The following NAALADL2 variants were observed in gnomAD, a reference collection of about 807,000 sequenced individuals.
The protein encoded by NAALADL2 is inactive N-acetylated-alpha-linked acidic dipeptidase-like protein 2.
Under a neutral mutation model 87.2 loss-of-function variants are expected in NAALADL2, and 76 were observed. The ratio of observed to expected loss-of-function variants is 0.87; its 90% CI spans 0.72 to 1.05. The LOEUF (loss-of-function observed/expected upper bound fraction) is 1.05, where lower values mean the gene tolerates loss of function less well. Among genes scored for constraint, NAALADL2 ranks in the 50% least tolerant of loss-of-function variants. The pLI, the probability that NAALADL2 is intolerant of heterozygous loss-of-function variation, is 0.00. For missense variants in NAALADL2, 1,089 were observed against 945.8 expected (o/e 1.15, Z -1.99); for synonymous variants, 354 against 331.0 (o/e 1.07, Z -0.75).
chr3:175,047,654 T>G (rs542308144), intron 1 of NAALADL2, among the ~76,000 whole-genome samples: 1 of 152,282 alleles, frequency 6.6e-6, no homozygotes, highest in Non-Finnish European at 1.5e-5. Context: ...CTCAGACGGT[T>G]TTAGATGAAA....
At chr3:175,469,378 T>C (rs1252805084) in intron 8 of NAALADL2, among the ~76,000 whole-genome samples, 2 of 152,048 alleles carry the variant, frequency 1.3e-5, no homozygotes, top group Non-Finnish European at 2.9e-5. Flanking sequence ...ATGCTCTAAA[T>C]ATATTCCCCT....
rs1736538837 is a variant in NAALADL2, at chr3:174,929,364, T to A, written c.43+69914T>A. 3.3e-5 allele frequency among the ~76,000 whole-genome samples: 5 copies of A among 152,308 alleles called. 1 individual carries two copies. In the South Asian group the frequency reaches 1.0e-3, roughly 32 times the overall value. ...CTGTATCTGAGGAAATAATGATGAATGACACAGCCAGTAAAAGTGCTCTGA... is the reference window on the plus strand; with the variant it reads ...CTGTATCTGAGGAAATAATGATGAAAGACACAGCCAGTAAAAGTGCTCTGA... On this transcript the variant is annotated intron_variant, in intron 1 of 13. Coordinates refer to ENST00000454872, the MANE Select transcript of NAALADL2 (RefSeq NM_207015.3).
chr3:174,819,685 C>G (rs763191852), intron 3 of NAALADL2, among the ~76,000 whole-genome samples: 17 of 152,056 alleles, frequency 1.1e-4, no homozygotes, highest in Non-Finnish European at 2.4e-4. Flanking sequence ...CCAGAAAACT[C>G]TTTCCTATAA....
rs768453424 is a variant in NAALADL2 at position 175,210,602 on chromosome 3, G to A, written c.546-23329G>A. On this transcript the variant is annotated intron_variant, in intron 2 of 13. Coordinates refer to ENST00000454872, the MANE Select transcript of NAALADL2 (RefSeq NM_207015.3). Reference sequence around the variant, plus strand: ...AATGTGGAATATGGCAAAGGGTGATGTGGTAGGCAGGAGGAAGGTAAAGCA... The same window carrying A: ...AATGTGGAATATGGCAAAGGGTGATATGGTAGGCAGGAGGAAGGTAAAGCA... Among the ~76,000 whole-genome samples, 120 of 151,572 alleles carry A rather than the reference G, an allele frequency of 7.9e-4. 2 individuals carry two copies. The highest frequency in any genetic ancestry group is 2.8e-4 in the Non-Finnish European group (19 of 67,684).
chr3:175,616,389 T>G (rs559796251), intron 10 of NAALADL2, among the ~76,000 whole-genome samples: 1 of 151,756 alleles, frequency 6.6e-6, no homozygotes, highest in East Asian at 1.9e-4. Context: ...GTTTAAAAAA[T>G]CTACATATAT....
At chr3:174,610,778 C>T (rs984502461) in intron 2 of NAALADL2, among the ~76,000 whole-genome samples, 10 of 152,106 alleles carry the variant, frequency 6.6e-5, no homozygotes, top group African/African-American at 2.4e-4. Flanking sequence ...GGATGTAGAA[C>T]TAGAAATACC....
intron 1 of NAALADL2, among the ~76,000 whole-genome samples, chr3:174,543,245 G>T (rs1000905825): frequency 6.6e-5 from 10 of 152,152 alleles, no homozygotes; most frequent in African/African-American, 2.4e-4. Context: ...CTTGAGCTGG[G>T]ATTAGAGGCA....
intron 3 of NAALADL2, among the ~76,000 whole-genome samples, chr3:175,250,253 CTGTGTGTGTGTG>C (rs147841608): frequency 1.8e-4 from 26 of 146,186 alleles, no homozygotes; most frequent in African/African-American, 4.3e-4. Context: ...CTCACTTTTT[CTGTGTGTGTGTG>C]TGTGTGTGTG....
At chr3:175,110,539 G>A (rs1397979684) in intron 2 of NAALADL2, among the ~76,000 whole-genome samples, 3 of 151,684 alleles carry the variant, frequency 2.0e-5, no homozygotes, top group African/African-American at 7.3e-5. Context: ...GAAGAAGTTG[G>A]GCCAGAGGAT....
At chr3:175,317,927 C>T (rs181473636) in intron 4 of NAALADL2, among the ~76,000 whole-genome samples, 254 of 152,060 alleles carry the variant, frequency 1.7e-3, no homozygotes, top group Admixed American at 4.9e-3. Flanking sequence ...TGATTTGACC[C>T]GGAAATTCCA....
At chr3:175,230,575 C>T (rs995204651) in intron 2 of NAALADL2, among the ~76,000 whole-genome samples, 1 of 151,904 alleles carries the variant, frequency 6.6e-6, no homozygotes, top group Non-Finnish European at 1.5e-5. Flanking sequence ...TATAATTTTA[C>T]CCTCATTGTA....
chr3:174,778,660 G>A (rs1715543919), intron 3 of NAALADL2, among the ~76,000 whole-genome samples: 1 of 151,972 alleles, frequency 6.6e-6, no homozygotes, highest in African/African-American at 2.4e-5. Flanking sequence ...CCCCGTGTGT[G>A]ATGTTCCCCT....
chr3:174,873,337 C>G (rs527982364), intron 1 of NAALADL2, among the ~76,000 whole-genome samples: 140 of 152,084 alleles, frequency 9.2e-4, no homozygotes, highest in African/African-American at 3.2e-3. Flanking sequence ...TCACTGCAAC[C>G]TCCGCCTCCC....
intron 4 of NAALADL2, among the ~76,000 whole-genome samples, chr3:175,273,734 G>GTC (rs1753188005): frequency 1.0e-5 from 1 of 99,386 alleles, no homozygotes. Flanking sequence ...GTGTGTGTGC[G>GTC]TGTGTGTGTG....
intron 6 of NAALADL2, among the ~76,000 whole-genome samples, chr3:175,460,926 C>G (rs1359317871): frequency 6.6e-6 from 1 of 152,194 alleles, no homozygotes; most frequent in South Asian, 2.1e-4. Flanking sequence ...GGTTGCTGCT[C>G]CTGGCTGGTG....
Position 174,508,114 on chromosome 3 carries a change from G to GTTTTTTTTTTTTTTTTT in NAALADL2, c.-183-42454_-183-42438dup, listed in dbSNP as rs1311325384. On this transcript the variant is annotated intron_variant, in intron 1 of 3. Coordinates refer to the NAALADL2 transcript ENST00000434257. ...AATTTTAGCTATTGGATATCTAGTG[G>GTTTTTTTTTTTTTTTTT]TTTTTTTTTTTTTTTTTGAGACGAA... 3.0e-4 allele frequency among the ~76,000 whole-genome samples: 31 copies of GTTTTTTTTTTTTTTTTT among 103,894 alleles called. 2 individuals are homozygous for GTTTTTTTTTTTTTTTTT. The highest frequency in any genetic ancestry group is 4.4e-4 in the Non-Finnish European group (23 of 51,920). 68.2% of individuals were successfully genotyped at this position (103,894 alleles called of 152,430 possible). A position where few individuals can be genotyped will look rare whatever the true frequency, so the allele number is the denominator to read the frequency against.
intron 11 of NAALADL2, among the ~76,000 whole-genome samples, chr3:175,706,175 C>T (rs1739679977): frequency 6.6e-6 from 1 of 152,008 alleles, no homozygotes; most frequent in South Asian, 2.1e-4. Flanking sequence ...TTCTCAAGGG[C>T]TTTATTTGCC....
chr3:175,240,265 T>G (rs1432040277), intron 3 of NAALADL2, among the ~76,000 whole-genome samples: 1 of 152,218 alleles, frequency 6.6e-6, no homozygotes, highest in Non-Finnish European at 1.5e-5. Flanking sequence ...CTTGTCTTTG[T>G]GTGTAAAATA....
intron 1 of NAALADL2, among the ~76,000 whole-genome samples, chr3:174,878,655 T>C (rs1337823739): frequency 2.0e-5 from 3 of 152,064 alleles, no homozygotes; most frequent in Non-Finnish European, 4.4e-5. Flanking sequence ...GTAAGCTCAA[T>C]ATCTGTTCTG....
Sources: allele counts gnomAD v4.1 joint callset (sites outside exome capture counted in the v4.1 genomes callset), GRCh38; gene constraint gnomAD v4.1.1; transcripts MANE v1.5; gene names NCBI Gene and HGNC (gene_info 2026-07-23, HGNC 2026-07-21).